WWOX: variants seen among roughly 807,000 people sequenced by gnomAD.
WWOX encodes the protein WW domain-containing oxidoreductase.
In WWOX, 69 loss-of-function variants were observed where a neutral mutation model predicts 46.2. The ratio of observed to expected loss-of-function variants is 1.49; its 90% confidence interval spans 1.23 to 1.82. WWOX has a LOEUF of 1.82. WWOX is among the 40% of genes most tolerant of loss of function. The pLI is 0.00. For missense variants in WWOX, 919 were observed against 542.6 expected, an observed-to-expected ratio of 1.69 and a Z score of -6.89; for synonymous variants, 359 against 202.6, an observed-to-expected ratio of 1.77 and a Z score of -6.56.
At chr16:78,202,271 C>T (rs1291164078) in intron 5 of WWOX, among the ~76,000 whole-genome samples, 1 of 152,200 alleles carries the variant, frequency 6.6e-6, no homozygotes, top group Non-Finnish European at 1.5e-5. Context: ...CCTGGTGCAA[C>T]ATGCCATGAC....
chr16:78,877,630 A>T (rs79457277), intron 8 of WWOX, among the ~76,000 whole-genome samples: 1 of 152,216 alleles, frequency 6.6e-6, no homozygotes, highest in African/African-American at 2.4e-5. Context: ...AGATAGAGAC[A>T]TAGACATACA....
intron 8 of WWOX, among the ~76,000 whole-genome samples, chr16:78,994,889 G>T (rs887865100): frequency 3.3e-5 from 5 of 149,754 alleles, no homozygotes; most frequent in African/African-American, 1.2e-4. Context: ...AAGGTGGAAA[G>T]AAATACTCCC....
intron 8 of WWOX, among the ~76,000 whole-genome samples, chr16:78,604,642 G>T (rs1355044259): frequency 2.0e-5 from 3 of 148,884 alleles, no homozygotes; most frequent in African/African-American, 7.4e-5. Flanking sequence ...CTTTAATAAA[G>T]ATTTAAAAAA....
At chr16:78,143,192 A>G (rs2034046049) in intron 4 of WWOX, among the ~76,000 whole-genome samples, 1 of 152,200 alleles carries the variant, frequency 6.6e-6, no homozygotes, top group African/African-American at 2.4e-5. Flanking sequence ...TATTTGTTTT[A>G]ATGAGATTCT....
chr16:78,316,530 A>T (rs2080358735), intron 5 of WWOX, among the ~76,000 whole-genome samples: 1 of 151,794 alleles, frequency 6.6e-6, no homozygotes, highest in African/African-American at 2.4e-5. Flanking sequence ...TTTAATAGAG[A>T]TGTGGTTTTG....
At chr16:78,754,621 T>C (rs1387496699) in intron 8 of WWOX, among the ~76,000 whole-genome samples, 1 of 152,088 alleles carries the variant, frequency 6.6e-6, no homozygotes, top group African/African-American at 2.4e-5. Flanking sequence ...TTTAATTATA[T>C]AAAAAAAGCA....
intron 5 of WWOX, among the ~76,000 whole-genome samples, chr16:78,172,459 C>T (rs1205403046): frequency 6.6e-6 from 1 of 152,138 alleles, no homozygotes; most frequent in Admixed American, 6.5e-5. Flanking sequence ...TTCCTGTCTC[C>T]AGAATACCTA....
intron 8 of WWOX, among the ~76,000 whole-genome samples, chr16:78,923,117 G>T (rs1282628584): frequency 6.6e-6 from 1 of 151,756 alleles, no homozygotes; most frequent in South Asian, 2.1e-4. Flanking sequence ...GAGTAGCTGG[G>T]ATTACAGGGA....
intron 8 of WWOX, among the ~76,000 whole-genome samples, chr16:78,953,793 C>G (rs1185579550): frequency 1.3e-5 from 2 of 152,242 alleles, no homozygotes; most frequent in South Asian, 2.1e-4. Flanking sequence ...AGCTCAGATT[C>G]TACCTACCCT....
chr16:78,189,664 T>C (rs1438650820), intron 5 of WWOX, among the ~76,000 whole-genome samples: 1 of 152,204 alleles, frequency 6.6e-6, no homozygotes, highest in South Asian at 2.1e-4. Flanking sequence ...AATTAACTTA[T>C]TTATTTTTGA....
At chr16:78,319,863 C>G (rs2151882566) in intron 5 of WWOX, among the ~76,000 whole-genome samples, 1 of 152,296 alleles carries the variant, frequency 6.6e-6, no homozygotes, top group East Asian at 1.9e-4. Flanking sequence ...GGCATCACCT[C>G]ACGCGTCTTT....
chr16:78,293,687 C>T (rs972183637), intron 5 of WWOX, among the ~76,000 whole-genome samples: 5 of 152,066 alleles, frequency 3.3e-5, no homozygotes, highest in South Asian at 2.1e-4. Context: ...CAAGACTTCC[C>T]TAAAAGGTGG....
intron 8 of WWOX, among the ~76,000 whole-genome samples, chr16:79,198,585 A>T (rs574628338): frequency 2.6e-5 from 4 of 152,108 alleles, no homozygotes; most frequent in African/African-American, 4.8e-5. Flanking sequence ...GATAATTGAC[A>T]AATGCATTGT....
At chr16:78,987,940 C>T (rs1252656276) in intron 8 of WWOX, among the ~76,000 whole-genome samples, 2 of 151,970 alleles carry the variant, frequency 1.3e-5, no homozygotes, top group Non-Finnish European at 2.9e-5. Context: ...ATGGTAGTCC[C>T]AGTGGGAAAG....
chr16:79,125,089 G>A (rs1431980665), intron 8 of WWOX, among the ~76,000 whole-genome samples: 1 of 147,606 alleles, frequency 6.8e-6, no homozygotes, highest in African/African-American at 2.5e-5. Flanking sequence ...CAAACTATAT[G>A]CAGATCCTGC....
intron 8 of WWOX, among the ~76,000 whole-genome samples, chr16:79,184,735 A>C (rs145151737): frequency 6.4e-4 from 98 of 152,340 alleles, no homozygotes; most frequent in African/African-American, 2.3e-3. Context: ...TAGGAAGACA[A>C]ATAGCCAAGA....
At chr16:78,735,394 A>ACACACACACAC (rs2049064573) in intron 8 of WWOX, among the ~76,000 whole-genome samples, 2 of 121,276 alleles carry the variant, frequency 1.6e-5, no homozygotes, top group African/African-American at 6.2e-5. Context: ...ACCACACACA[A>ACACACACACAC]ACACACACAC....
At chr16:78,829,418 C>G (rs553242822) in intron 8 of WWOX, among the ~76,000 whole-genome samples, 1 of 152,326 alleles carries the variant, frequency 6.6e-6, no homozygotes, top group East Asian at 1.9e-4. Context: ...CCCTACAGGG[C>G]AGGGCAATCA....
At chr16:78,805,342 G>A (rs2051002636) in intron 8 of WWOX, among the ~76,000 whole-genome samples, 1 of 152,048 alleles carries the variant, frequency 6.6e-6, no homozygotes, top group African/African-American at 2.4e-5. Flanking sequence ...CTCACTGCAA[G>A]CTCCGCCTCC....
Sources: allele counts gnomAD v4.1 joint callset (sites outside exome capture counted in the v4.1 genomes callset), GRCh38; gene constraint gnomAD v4.1.1; transcripts MANE v1.5; gene names NCBI Gene and HGNC (gene_info 2026-07-23, HGNC 2026-07-21).